The following HTR2A variants were observed in gnomAD, a reference collection of about 807,000 sequenced individuals.
HTR2A encodes the protein 5-hydroxytryptamine receptor 2A.
In HTR2A, 14 loss-of-function variants were observed where a neutral mutation model predicts 31.0. The observed-to-expected ratio is 0.45, with a 90% CI of 0.30 to 0.71. The LOEUF (loss-of-function observed/expected upper bound fraction) is 0.71. HTR2A is among the 30% of genes least tolerant of loss of function. The pLI, the probability that HTR2A is intolerant of heterozygous loss-of-function variation, is 0.09. For missense variants in HTR2A, 442 were observed against 573.3 expected, an observed-to-expected ratio of 0.77 and a Z score of 2.34; for synonymous variants, 209 against 225.2, an observed-to-expected ratio of 0.93 and a Z score of 0.64.
chr13:46,887,453 C>T (rs1433896567), intron 3 of HTR2A, among the ~76,000 whole-genome samples: 1 of 146,342 alleles, frequency 6.8e-6, no homozygotes, highest in African/African-American at 2.5e-5. Context: ...ATCAGGCATA[C>T]ACAGTACTCA....
At chr13:46,853,491 A>G (rs622337) in intron 3 of HTR2A, among the ~76,000 whole-genome samples, 42,501 of 152,132 alleles carry the variant, frequency 0.28, 6,733 homozygotes, top group East Asian at 0.53. Context: ...CTGATAGTGA[A>G]TTGAATCCAT....
chr13:46,894,000 C>T (rs574152009), intron 2 of HTR2A, among the ~76,000 whole-genome samples: 2 of 152,252 alleles, frequency 1.3e-5, no homozygotes, highest in Non-Finnish European at 1.5e-5. Context: ...TCCTTTGCAG[C>T]GCCTTATGGG....
At chr13:46,881,634 A>G (rs1392688082) in intron 3 of HTR2A, among the ~76,000 whole-genome samples, 1 of 152,210 alleles carries the variant, frequency 6.6e-6, no homozygotes, top group Non-Finnish European at 1.5e-5. Context: ...ATCTCCCAGA[A>G]GTGGAAGTGA....
At position 46,835,985 on chromosome 13, in the gene HTR2A, C is replaced by A. The variant is rs1876440969; in HGVS notation, c.614-346G>T. 3.9e-5 allele frequency among the ~76,000 whole-genome samples: 6 copies of A among 152,008 alleles called. 1 individual carries two copies. The South Asian group carries it at 1.2e-3, about 32-fold the overall frequency. ...ACTAAAAATTGTCCAATAACGTCAC[C>A]ATCTAGAGATAGCCACAATTAACAA... On this transcript the variant is annotated intron_variant, in intron 3 of 3. Transcript: ENST00000542664.
chr13:46,894,673 T>C (rs999357444), intron 2 of HTR2A, among the ~76,000 whole-genome samples: 5 of 152,326 alleles, frequency 3.3e-5, no homozygotes, highest in African/African-American at 1.2e-4. Flanking sequence ...GCAGTCACAA[T>C]AGTCTCTCCT....
At chr13:46,863,725 A>G (rs1950800000) in intron 3 of HTR2A, among the ~76,000 whole-genome samples, 1 of 151,808 alleles carries the variant, frequency 6.6e-6, no homozygotes, top group Admixed American at 6.6e-5. Context: ...ACAATGAGAT[A>G]CCATCTCATG....
At chr13:46,864,589 T>A (rs931427813) in intron 3 of HTR2A, among the ~76,000 whole-genome samples, 2 of 152,194 alleles carry the variant, frequency 1.3e-5, no homozygotes, top group African/African-American at 4.8e-5. Context: ...GAGCCTAAAC[T>A]TCCGAGGATC....
At chr13:46,892,627 G>T (rs1489943732) in intron 2 of HTR2A, 37 bp from the exon 3 acceptor site, 4 of 1,568,676 alleles carry the variant, frequency 2.5e-6, no homozygotes, top group Non-Finnish European at 3.5e-6. Flanking sequence ...GAGCAACCCT[G>T]TGCCTCCTGG....
At chr13:46,886,035 A>G (rs1290391461) in intron 3 of HTR2A, among the ~76,000 whole-genome samples, 2 of 152,148 alleles carry the variant, frequency 1.3e-5, no homozygotes, top group African/African-American at 2.4e-5. Flanking sequence ...CTTTGCTTAC[A>G]CTGATTTTAG....
chr13:46,878,299 A>T (rs1950931284), intron 3 of HTR2A, among the ~76,000 whole-genome samples: 1 of 152,224 alleles, frequency 6.6e-6, no homozygotes, highest in Non-Finnish European at 1.5e-5. Context: ...TGTGGAGCTT[A>T]GGAGGAGGAG....
intron 3 of HTR2A, among the ~76,000 whole-genome samples, chr13:46,881,769 A>G (rs1429388209): frequency 6.6e-6 from 1 of 152,210 alleles, no homozygotes; most frequent in Admixed American, 6.6e-5. Context: ...AGGAGAGACA[A>G]TCTCAAGTGG....
chr13:46,838,540 C>A (rs1950575902), intron 3 of HTR2A, among the ~76,000 whole-genome samples: 1 of 152,072 alleles, frequency 6.6e-6, no homozygotes, highest in Non-Finnish European at 1.5e-5. Context: ...AGTTTGTATA[C>A]ACTAGATTTT....
rs533066466 is a variant in HTR2A at position 46,835,602 on chromosome 13, G to A, written c.651C>T (p.Asp217=). 4.9e-5 allele frequency: 79 copies of A among 1,613,774 alleles called. No homozygotes were observed. The highest frequency in any genetic ancestry group is 2.2e-4 in the East Asian group (10 of 44,880). ...TCCCCTCCTTAAAGACCTTCGAATC[G>A]TCCTGTAGCCCAAAGACTGGTATTG... ...SMPIPVFGLQ[D]DSKVFKEGSC... The change falls in exon 4 of 4, where the codon GAC becomes GAT. Residue 217 remains aspartate (D), a synonymous_variant. Coordinates refer to ENST00000542664, the MANE Select transcript of HTR2A (RefSeq NM_000621.5).
chr13:46,864,687 A>T (rs1950806318), intron 3 of HTR2A, among the ~76,000 whole-genome samples: 1 of 152,192 alleles, frequency 6.6e-6, no homozygotes, highest in Non-Finnish European at 1.5e-5. Flanking sequence ...TAGCTAACAC[A>T]GATGTTCACC....
At chr13:46,863,298 G>A (rs190688981) in intron 3 of HTR2A, among the ~76,000 whole-genome samples, 306 of 152,212 alleles carry the variant, frequency 2.0e-3, no homozygotes, top group Non-Finnish European at 3.6e-3. Context: ...AAGAACAAAA[G>A]TTATCTTTTC....
Position 46,890,593 on chromosome 13 carries a change from G to C in HTR2A, c.613+1797C>G, listed in dbSNP as rs180974826. Among the ~76,000 whole-genome samples the C allele has an allele frequency of 1.8e-4, 27 of 152,248 alleles. No homozygotes were observed. In the East Asian group the frequency reaches 5.0e-3, roughly 28 times the overall value. ...AGGGGCTTTGTATACTACTGGGTCC[G>C]TACTCAGTGCTCAGAAACTGTTACC... is the stretch of plus-strand genomic sequence containing the variant. On this transcript the variant is annotated intron_variant, in intron 3 of 3. Transcript: ENST00000542664.
intron 3 of HTR2A, among the ~76,000 whole-genome samples, chr13:46,866,979 T>G (rs1411665981): frequency 6.6e-6 from 1 of 152,130 alleles, no homozygotes; most frequent in Admixed American, 6.5e-5. Flanking sequence ...TGAGTCGAGA[T>G]TGCGCCACTG....
rs1041110431 is a variant in HTR2A at position 46,835,334 on chromosome 13, T to C, written c.919A>G (p.Thr307Ala). Residue 307 changes from threonine (T) to alanine (A), a missense_variant, in exon 4 of 4, where the codon ACA becomes GCA. By Grantham distance (58) the Thr-to-Ala change is moderately conservative. Transcript: ENST00000542664. ...RSIHREPGSY[T>A]GRRTMQSISN... Reference sequence around the variant, plus strand: ...ATGGACTGCATAGTCCTCCTGCCTGTGTAGGACCCTGGCTCCCTATGGATC... The same window carrying C: ...ATGGACTGCATAGTCCTCCTGCCTGCGTAGGACCCTGGCTCCCTATGGATC... The C allele has an allele frequency of 6.2e-7, 1 of 1,614,114 alleles. No homozygotes were observed. Among genetic ancestry groups the C allele is most frequent in the South Asian group, 1.1e-5 (1 of 91,080 alleles).
intron 3 of HTR2A, among the ~76,000 whole-genome samples, chr13:46,848,519 C>A (rs546816361): frequency 7.9e-5 from 12 of 152,264 alleles, no homozygotes; most frequent in Non-Finnish European, 1.2e-4. Context: ...TACAGGTGTC[C>A]ACAATGCAAC....
Sources: gnomAD v4.1 joint callset for allele counts (sites outside exome capture counted in the v4.1 genomes callset) on GRCh38, gnomAD v4.1.1 for gene constraint, MANE v1.5 for transcripts, NCBI Gene and HGNC (gene_info 2026-07-23, HGNC 2026-07-21) for gene names.